The following SAMD5 variants were observed in gnomAD, a reference collection of about 807,000 sequenced individuals.
SAMD5 encodes sterile alpha motif domain containing 5.
SAMD5 carries 13 observed loss-of-function variants against 11.3 expected under a neutral mutation model. That is an observed-to-expected ratio of 1.15 (90% CI 0.75 to 1.83). The LOEUF is 1.83. Among genes scored for constraint, SAMD5 ranks in the 40% most tolerant of loss-of-function variants. The pLI is 0.00. For missense variants in SAMD5, 255 were observed against 239.1 expected (o/e 1.07, Z -0.44); for synonymous variants, 129 against 111.3 (o/e 1.16, Z -1.00).
the SAMD5 span, among the ~76,000 whole-genome samples, chr6:147,937,918 G>T: frequency 6.6e-6 from 1 of 152,062 alleles, no homozygotes; most frequent in African/African-American, 2.4e-5. Context: ...AGCTTTTCTA[G>T]GGTCTGGTAC....
chr6:147,611,571 A>T (rs1377809244), intron 1 of SAMD5, among the ~76,000 whole-genome samples: 1 of 150,256 alleles, frequency 6.7e-6, no homozygotes, highest in Non-Finnish European at 1.5e-5. Flanking sequence ...TCTTAAAATC[A>T]AATAAATAAA....
chr6:147,795,859 G>A, the SAMD5 span, among the ~76,000 whole-genome samples: 2 of 152,146 alleles, frequency 1.3e-5, no homozygotes, highest in Admixed American at 6.5e-5. Flanking sequence ...CTGCATAAAT[G>A]TGTTCTTTTG....
At chr6:147,816,301 A>AAAAAAAATATATATATATATATAT in the SAMD5 span, among the ~76,000 whole-genome samples, 3 of 66,356 alleles carry the variant, frequency 4.5e-5, no homozygotes, top group African/African-American at 3.1e-4. Flanking sequence ...AAAAAAAAAA[A>AAAAAAAATATATATATATATATAT]ATATATATAT....
chr6:147,762,941 A>G, the SAMD5 span, among the ~76,000 whole-genome samples: 2 of 152,298 alleles, frequency 1.3e-5, no homozygotes, highest in Admixed American at 1.3e-4. Flanking sequence ...GTAGGATTTA[A>G]TAACTTTTGT....
In SAMD5 at chr6:147,566,257, A is replaced by C. The variant is rs1163768568; in HGVS notation, c.*1801A>C. 2 of 980,004 alleles carry C rather than the reference A, an allele frequency of 2.0e-6. No homozygotes were observed. Among genetic ancestry groups the C allele is most frequent in the Non-Finnish European group, 2.4e-6 (2 of 825,010 alleles). The allele number at this position is 980,004 out of a possible 1,614,324, so 60.7% of individuals were successfully genotyped here. A position where few individuals can be genotyped will look rare whatever the true frequency, so the allele number is the denominator to read the frequency against. On this transcript the variant is annotated 3_prime_UTR_variant, in exon 2 of 2. Coordinates refer to ENST00000367474, the MANE Select transcript of SAMD5 (RefSeq NM_001030060.3). ...AAATTATACAAAAGCTTTTAGTTTC[A>C]TCAGGATTATATTCCAGTTAACCTT...
the SAMD5 span, among the ~76,000 whole-genome samples, chr6:147,780,550 CT>C: frequency 2.4e-4 from 36 of 152,216 alleles, no homozygotes; most frequent in Admixed American, 1.3e-3. Context: ...TTTAAAACTC[CT>C]TAAAGAAATA....
chr6:147,715,906 T>C (rs1249827966), intron 1 of SAMD5, among the ~76,000 whole-genome samples: 3 of 152,120 alleles, frequency 2.0e-5, no homozygotes, highest in African/African-American at 7.2e-5. Context: ...AGTTCAGGGC[T>C]TTTATTGGCT....
intron 1 of SAMD5, among the ~76,000 whole-genome samples, chr6:147,601,593 T>TAC (rs1554236032): frequency 6.6e-6 from 1 of 152,228 alleles, no homozygotes; most frequent in Admixed American, 6.5e-5. Context: ...CACGTCCATG[T>TAC]ACACGTCGTT....
the SAMD5 span, among the ~76,000 whole-genome samples, chr6:147,841,294 A>G: frequency 1.3e-5 from 2 of 152,240 alleles, no homozygotes; most frequent in African/African-American, 4.8e-5. Flanking sequence ...CCTGCCATTC[A>G]GAGTTACCTG....
chr6:147,596,815 G>T (rs1242673645), intron 1 of SAMD5, among the ~76,000 whole-genome samples: 1 of 152,126 alleles, frequency 6.6e-6, no homozygotes, highest in Non-Finnish European at 1.5e-5. Context: ...GTGGAAGAAG[G>T]GTCTATGTCT....
the SAMD5 span, among the ~76,000 whole-genome samples, chr6:147,921,459 A>AC: frequency 2.0e-4 from 31 of 152,286 alleles, no homozygotes; most frequent in African/African-American, 7.5e-4. Context: ...AGCAGTTTTC[A>AC]CTTCTTGAAA....
the SAMD5 span, among the ~76,000 whole-genome samples, chr6:147,775,754 G>C: frequency 6.6e-6 from 1 of 152,140 alleles, no homozygotes. Flanking sequence ...GCAGCTGAGT[G>C]TACTGACCAG....
chr6:147,875,261 T>C, the SAMD5 span, among the ~76,000 whole-genome samples: 1 of 152,210 alleles, frequency 6.6e-6, no homozygotes, highest in Non-Finnish European at 1.5e-5. Context: ...ATGTGAATTA[T>C]GTGATTAGAA....
intron 1 of SAMD5, among the ~76,000 whole-genome samples, chr6:147,526,546 G>A (rs1788344330): frequency 6.6e-6 from 1 of 152,196 alleles, no homozygotes; most frequent in Non-Finnish European, 1.5e-5. Context: ...CTGAGGTATT[G>A]GAGTATCTTT....
intron 1 of SAMD5, among the ~76,000 whole-genome samples, chr6:147,614,952 A>G (rs532869389): frequency 3.3e-5 from 5 of 152,134 alleles, no homozygotes; most frequent in Admixed American, 3.3e-4. Context: ...TGTCATTATT[A>G]TGTTATAAAC....
At chr6:147,673,216 C>T (rs1239628323) in intron 1 of SAMD5, among the ~76,000 whole-genome samples, 1 of 148,706 alleles carries the variant, frequency 6.7e-6, no homozygotes, top group East Asian at 2.0e-4. Context: ...AAGCAAAAAC[C>T]ATTTTTTTTT....
the SAMD5 span, among the ~76,000 whole-genome samples, chr6:147,898,474 A>T: frequency 9.2e-5 from 14 of 152,152 alleles, no homozygotes; most frequent in African/African-American, 2.9e-4. Flanking sequence ...CTGGATGGGC[A>T]CTTCCTCCCT....
At chr6:147,906,986 G>A in the SAMD5 span, among the ~76,000 whole-genome samples, 30 of 152,170 alleles carry the variant, frequency 2.0e-4, no homozygotes, top group Non-Finnish European at 2.5e-4. Context: ...GCCTCCCTCT[G>A]CTTTTACAGA....
intron 1 of SAMD5, among the ~76,000 whole-genome samples, chr6:147,687,744 T>C (rs73014006): frequency 0.11 from 17,439 of 152,240 alleles, 1,085 homozygotes; most frequent in Middle Eastern, 0.16. Context: ...TGTCACTCAC[T>C]TTTAGCAGTT....
Sources: gnomAD v4.1 joint callset for allele counts (sites outside exome capture counted in the v4.1 genomes callset) on GRCh38, gnomAD v4.1.1 for gene constraint, MANE v1.5 for transcripts, NCBI Gene and HGNC (gene_info 2026-07-23, HGNC 2026-07-21) for gene names.